The following ATP2A2 variants were observed in gnomAD, a reference collection of about 807,000 sequenced individuals.
ATP2A2 encodes the protein sarcoplasmic/endoplasmic reticulum calcium ATPase 2.
ATP2A2 carries 14 observed loss-of-function variants against 109.3 expected under a neutral mutation model. The ratio of observed to expected loss-of-function variants is 0.13; its 90% CI spans 0.08 to 0.20. The LOEUF (loss-of-function observed/expected upper bound fraction) is 0.20. ATP2A2 is among the 10% of genes least tolerant of loss of function. ATP2A2 has a pLI of 1.00. For synonymous variants in ATP2A2, 506 were observed against 490.9 expected (o/e 1.03, Z -0.41); for missense variants, 657 against 1,321.6 (o/e 0.50, Z 7.80).
At chr12:110,335,924 G>A (rs537533387) in intron 11 of ATP2A2, among the ~76,000 whole-genome samples, 78 of 152,334 alleles carry the variant, frequency 5.1e-4, no homozygotes, top group Non-Finnish European at 7.5e-4. Context: ...GGCAGACAGG[G>A]TGATTGCTTG....
chr12:110,340,758 A>G lies in ATP2A2; in HGVS notation c.1861A>G (p.Ile621Val), dbSNP rs976871439. Residue 621 changes from isoleucine to valine, a missense_variant, in exon 14 of 20, where the codon ATC becomes GTC. Around this residue, in one of 9 missense-constraint regions of ATP2A2, gnomAD observed 180 missense variants for 329.1 expected, o/e 0.55. Coordinates refer to ENST00000539276, the MANE Select transcript of ATP2A2 (RefSeq NM_170665.4). This position sits in a 1 kb window ranked among gnomAD's most constrained non-coding sequence, Gnocchi z 6.0. ...GTGCCGGCAAGCAGGCATCCGGGTCATCATGATCACTGGGGACAACAAGGG... is the reference window on the plus strand; with the variant it reads ...GTGCCGGCAAGCAGGCATCCGGGTCGTCATGATCACTGGGGACAACAAGGG... ...KLCRQAGIRV[I>V]MITGDNKGTA... 1.2e-6 allele frequency: 2 copies of G among 1,614,070 alleles called. No homozygotes were observed. Among genetic ancestry groups the G allele is most frequent in the African/African-American group, 1.3e-5 (1 of 74,916 alleles).
rs1592858803 is a variant in ATP2A2, at chr12:110,339,151, C to T, written c.1420-130C>T. ...AAATAGGGGACAAGTTTCATGAGGG[C>T]AAAAACCTGTCTGTTTTGTTTATTG... On this transcript the variant is annotated intron_variant, in intron 11 of 19. Coordinates refer to ENST00000539276, the MANE Select transcript of ATP2A2 (RefSeq NM_170665.4). The surrounding 1 kb of genome is among the most constrained non-coding windows in gnomAD (Gnocchi z 4.4). The T allele has an allele frequency of 7.6e-7, 1 of 1,312,762 alleles. No individual in the cohort carries two copies. Among genetic ancestry groups the T allele is most frequent in the Non-Finnish European group, 1.1e-6 (1 of 927,750 alleles). The allele number at this position is 1,312,762 out of a possible 1,614,324, so 81.3% of individuals were successfully genotyped here.
In ATP2A2 at chr12:110,339,094, T is replaced by C. The variant is rs1384968467; in HGVS notation, c.1420-187T>C. On this transcript the variant is annotated intron_variant, in intron 11 of 19. Transcript: ENST00000539276. This position sits in a 1 kb window ranked among gnomAD's most constrained non-coding sequence, Gnocchi z 4.4. ...CTTCCCTTTTTCTCTATAGCACTTG[T>C]GTTACTTTTGCATCTTAGTCTGTCT... is the stretch of plus-strand genomic sequence containing the variant. Among the ~76,000 whole-genome samples, 2 of 152,184 alleles carry C rather than the reference T, an allele frequency of 1.3e-5. No homozygotes were observed. Among genetic ancestry groups the C allele is most frequent in the South Asian group, 2.1e-4 (1 of 4,828 alleles).
intron 3 of ATP2A2, among the ~76,000 whole-genome samples, chr12:110,286,029 T>A (rs1203238986): frequency 6.6e-6 from 1 of 152,142 alleles, no homozygotes; most frequent in East Asian, 1.9e-4. Flanking sequence ...GTTCAAGTGA[T>A]TCTCCTGCCT....
chr12:110,341,987 T>A (rs1285660701), intron 14 of ATP2A2, among the ~76,000 whole-genome samples: 1 of 152,258 alleles, frequency 6.6e-6, no homozygotes, highest in Non-Finnish European at 1.5e-5. Flanking sequence ...TTTAGTAAGA[T>A]AATACAGATA....
At chr12:110,326,918 T>G (rs1205602789) in intron 7 of ATP2A2, among the ~76,000 whole-genome samples, 2 of 152,232 alleles carry the variant, frequency 1.3e-5, no homozygotes, top group Non-Finnish European at 2.9e-5. Context: ...ATTTTACTAT[T>G]TCACTTTTTC....
At chr12:110,324,684 T>G (rs2137807672) in intron 6 of ATP2A2, among the ~76,000 whole-genome samples, 1 of 152,260 alleles carries the variant, frequency 6.6e-6, no homozygotes, top group South Asian at 2.1e-4. Context: ...CCTCCCAAAG[T>G]GCTGGGATTA....
intron 5 of ATP2A2, among the ~76,000 whole-genome samples, chr12:110,315,731 G>A (rs1876590059): frequency 6.6e-6 from 1 of 152,096 alleles, no homozygotes; most frequent in Non-Finnish European, 1.5e-5. Flanking sequence ...ACTTGAGGTT[G>A]GGAGTTCGAG....
At position 110,327,753 on chromosome 12, in the gene ATP2A2, G is replaced by A. The variant is rs1422224309; in HGVS notation, c.831G>A (p.Gly277=). The change falls in exon 8 of 20, where the codon GGG becomes GGA. Residue 277 remains glycine (G), a synonymous_variant. Transcript: ENST00000539276. This position sits in a 1 kb window ranked among gnomAD's most constrained non-coding sequence, Gnocchi z 4.4. ...TTGCAGTCTGGATCATAAATATTGGGCACTTCAATGACCCGGTTCATGGAG... is the reference window on the plus strand; with the variant it reads ...TTGCAGTCTGGATCATAAATATTGGACACTTCAATGACCCGGTTCATGGAG... ...ICIAVWIINI[G]HFNDPVHGGS... 6.2e-7 allele frequency: 1 copy of A among 1,614,116 alleles called. No individual in the cohort carries two copies. The highest frequency in any genetic ancestry group is 8.5e-7 in the Non-Finnish European group (1 of 1,180,024).
chr12:110,346,304 G>A lies in ATP2A2; in HGVS notation c.2963G>A (p.Arg988His), dbSNP rs757225415. 4.3e-6 allele frequency: 7 copies of A among 1,614,102 alleles called. No homozygotes were observed. Among genetic ancestry groups the A allele is most frequent in the Non-Finnish European group, 5.1e-6 (6 of 1,180,010 alleles). ...GATGAGACGCTCAAGTTTGTGGCCCGCAACTACCTGGAACCTGGTAAAGAG... is the reference window on the plus strand; with the variant it reads ...GATGAGACGCTCAAGTTTGTGGCCCACAACTACCTGGAACCTGGTAAAGAG... ...LMDETLKFVARNYLEPGKECV... is the reference protein window; with the variant it reads ...LMDETLKFVAHNYLEPGKECV... Residue 988 changes from arginine to histidine, a missense_variant, in exon 20 of 20, where the codon CGC becomes CAC. Arg to His is a conservative substitution (Grantham distance 29, BLOSUM62 0). Transcript: ENST00000539276.
At chr12:110,302,459 C>G (rs1874763977) in intron 5 of ATP2A2, among the ~76,000 whole-genome samples, 13 of 152,094 alleles carry the variant, frequency 8.5e-5, no homozygotes, top group Admixed American at 8.5e-4. Flanking sequence ...ATAGATAGTG[C>G]TGATTCTGGT....
In ATP2A2 at chr12:110,292,033, T is replaced by C. The variant is rs1246864148; in HGVS notation, c.233T>C (p.Phe78Ser). ...AACISFVLAW[F>S]EEGEETITAF... ...TTTCTCTTCTAGGTTTTGGCTTGGT[T>C]TGAAGAAGGTGAAGAAACAATTACA... The change falls in exon 4 of 20, where the codon TTT becomes TCT. Residue 78 changes from phenylalanine to serine, a missense_variant. Coordinates refer to ENST00000539276, the MANE Select transcript of ATP2A2 (RefSeq NM_170665.4). 6.2e-7 allele frequency: 1 copy of C among 1,614,008 alleles called. No individual in the cohort carries two copies. Among genetic ancestry groups the C allele is most frequent in the Non-Finnish European group, 8.5e-7 (1 of 1,179,966 alleles).
intron 1 of ATP2A2, among the ~76,000 whole-genome samples, chr12:110,282,179 G>A (rs1191273589): frequency 1.3e-5 from 2 of 152,224 alleles, no homozygotes; most frequent in African/African-American, 4.8e-5. Context: ...GGTGGAGGGA[G>A]GGACGTGGCT....
upstream of ATP2A2, chr12:110,281,091 C>T (rs1174144310): frequency 1.3e-5 from 2 of 150,168 alleles, no homozygotes; most frequent in African/African-American, 2.4e-5. Flanking sequence ...GGGGCGGGGC[C>T]TGCGCGGCAG....
intron 5 of ATP2A2, among the ~76,000 whole-genome samples, chr12:110,315,893 C>G (rs1207073658): frequency 6.6e-6 from 1 of 152,150 alleles, no homozygotes; most frequent in African/African-American, 2.4e-5. Context: ...GAGCTGAGAT[C>G]ACGCCACTGT....
At chr12:110,293,359 C>A (rs1873533632) in intron 4 of ATP2A2, among the ~76,000 whole-genome samples, 1 of 148,160 alleles carries the variant, frequency 6.7e-6, no homozygotes, top group African/African-American at 2.5e-5. Flanking sequence ...TGAGCCACCA[C>A]TCCCGGCCTT....
intron 5 of ATP2A2, among the ~76,000 whole-genome samples, chr12:110,321,456 G>A (rs550253249): frequency 1.3e-5 from 2 of 152,080 alleles, no homozygotes; most frequent in South Asian, 2.1e-4. Flanking sequence ...AGAAAATCAC[G>A]GACAGCTGTT....
At chr12:110,332,790 C>G in intron 9 of ATP2A2, 105 bp downstream of exon 9, 2 of 997,266 alleles carry the variant, frequency 2.0e-6, no homozygotes, top group Non-Finnish European at 1.6e-6. Flanking sequence ...GAATGTGGCT[C>G]AAGTCAACAC....
intron 3 of ATP2A2, among the ~76,000 whole-genome samples, chr12:110,287,372 T>C (rs1433677029): frequency 1.3e-5 from 2 of 152,200 alleles, no homozygotes; most frequent in African/African-American, 4.8e-5. Flanking sequence ...TGGGAGATAC[T>C]CTATCCCTAC....
Sources: allele counts gnomAD v4.1 joint callset (sites outside exome capture counted in the v4.1 genomes callset), GRCh38; gene constraint gnomAD v4.1.1; regional missense constraint gnomAD v4.1.1; non-coding constraint Gnocchi (gnomAD v3.1); transcripts MANE v1.5; gene names NCBI Gene and HGNC (gene_info 2026-07-23, HGNC 2026-07-21).